CNOT1: variants seen among roughly 807,000 people sequenced by gnomAD.
The protein encoded by CNOT1 is CCR4-associated factor 1.
A neutral mutation model predicts 273.8 loss-of-function variants in CNOT1; 15 were observed. That is an observed-to-expected ratio of 0.05 (90% CI 0.04 to 0.08). The LOEUF (loss-of-function observed/expected upper bound fraction) is 0.08, where lower values mean the gene tolerates loss of function less well. Ranked by LOEUF, CNOT1 falls within the 10% of genes least tolerant of loss-of-function variation. CNOT1 has a pLI of 1.00. For missense variants in CNOT1, 1,644 were observed against 2,912.2 expected, an observed-to-expected ratio of 0.56 and a Z score of 10.02; for synonymous variants, 1,022 against 1,005.5, an observed-to-expected ratio of 1.02 and a Z score of -0.31.
intron 10 of CNOT1, 114 bp from the exon 11 acceptor site, chr16:58,581,629 TTTAA>T: frequency 2.1e-6 from 3 of 1,418,582 alleles, no homozygotes; most frequent in Non-Finnish European, 2.8e-6. Context: ...TTACAAAATT[TTTAA>T]TGTGAATTTT....
chr16:58,528,012 C>A, intron 44 of CNOT1: 2 of 362,506 alleles, frequency 5.5e-6, no homozygotes, highest in Admixed American at 3.6e-5. Context: ...ACTTGGGAGG[C>A]TGAGGCGGGA....
chr16:58,553,634 AC>A, intron 22 of CNOT1, 147 bp downstream of exon 22: 1 of 983,872 alleles, frequency 1.0e-6, no homozygotes, highest in Non-Finnish European at 1.3e-6. Context: ...AAAATGAGCA[AC>A]CTCAACAAAA....
chr16:58,615,023 T>TA (rs2043026310), intron 1 of CNOT1, among the ~76,000 whole-genome samples: 3 of 63,334 alleles, frequency 4.7e-5, no homozygotes, highest in South Asian at 8.1e-4. Flanking sequence ...CCTTTGCTAT[T>TA]TAAAAAAAAA....
rs1232904429 is a variant in CNOT1 at position 58,607,735 on chromosome 16, AAAAG to A, written c.-174-8228_-174-8225del. ...ACAGCAAAACTCAAAAAAAAAAAAA[AAAAG>A]AAAGAAAGAAAGAAAAGGGCTATCT... On this transcript the variant is annotated intron_variant, in intron 1 of 48. Coordinates refer to ENST00000317147, the MANE Select transcript of CNOT1 (RefSeq NM_016284.5). 5.2e-3 allele frequency among the ~76,000 whole-genome samples: 597 copies of A among 115,004 alleles called. 3 individuals are homozygous for A. The highest frequency in any genetic ancestry group is 8.8e-3 in the Middle Eastern group (2 of 228). 75.4% of individuals were successfully genotyped at this position (115,004 alleles called of 152,430 possible).
At chr16:58,628,614 A>AAC (rs1555504125) in intron 1 of CNOT1, among the ~76,000 whole-genome samples, 4 of 151,638 alleles carry the variant, frequency 2.6e-5, no homozygotes, top group South Asian at 4.2e-4. Flanking sequence ...AAAAAAAAAA[A>AAC]CCCAAGTAGT....
chr16:58,597,739 G>A, intron 2 of CNOT1: 1 of 511,146 alleles, frequency 2.0e-6, no homozygotes, highest in Non-Finnish European at 4.0e-6. Flanking sequence ...TGTGATGGTG[G>A]CCCACCAAGT....
chr16:58,626,717 A>C (rs2043600487), intron 1 of CNOT1, among the ~76,000 whole-genome samples: 1 of 151,666 alleles, frequency 6.6e-6, no homozygotes, highest in African/African-American at 2.4e-5. Context: ...CTGAGATCGC[A>C]CCACTGCATT....
At chr16:58,562,128 A>G (rs960594989) in intron 16 of CNOT1, among the ~76,000 whole-genome samples, 27 of 151,164 alleles carry the variant, frequency 1.8e-4, no homozygotes, top group Admixed American at 1.3e-4. Context: ...TGAACCCAGG[A>G]GCCAAGATTG....
chr16:58,606,390 TA>T (rs5817156), intron 1 of CNOT1, among the ~76,000 whole-genome samples: 114,209 of 151,794 alleles, frequency 0.75, 43,382 homozygotes, highest in Middle Eastern at 0.86. Flanking sequence ...CCCCGTCCCT[TA>T]AAAAAACAAA....
rs966911931 is a variant in CNOT1, at chr16:58,534,080, T to TAATA, written c.5895+63_5895+66dup. ...AAAGAAACAATATAAAAAATAATAA[T>TAATA]AATAAATAAATAAATAAAACACCCC... On this transcript the variant is annotated intron_variant, in intron 40 of 48. Transcript: ENST00000317147. 1,180 of 1,280,770 alleles carry TAATA rather than the reference T, an allele frequency of 9.2e-4. 10 individuals are homozygous for TAATA. In the African/African-American group the frequency reaches 0.015, roughly 17 times the overall value. 79.3% of individuals were successfully genotyped at this position (1,280,770 alleles called of 1,614,324 possible).
Position 58,562,528 on chromosome 16 carries a change from A to G in CNOT1, c.1980-2166T>C, listed in dbSNP as rs183682423. ...CTAAAAAAAATAAATTAAAAAAAAA[A>G]GCGGCGGGGGGGCGGCCAGGCACGG... On this transcript the variant is annotated intron_variant, in intron 16 of 48. Transcript: ENST00000317147. Among the ~76,000 whole-genome samples the G allele has an allele frequency of 5.0e-3, 699 of 140,502 alleles. 20 individuals carry two copies. Among genetic ancestry groups the G allele is most frequent in the Admixed American group, 0.043 (607 of 14,258 alleles). The allele number at this position is 140,502 out of a possible 152,430, so 92.2% of individuals were successfully genotyped here.
chr16:58,551,378 A>C (rs1355940636), intron 23 of CNOT1, 106 bp from the exon 24 acceptor site: 8 of 1,277,488 alleles, frequency 6.3e-6, no homozygotes, highest in African/African-American at 1.5e-5. Flanking sequence ...ACATGGTATG[A>C]CTGTGTATTA....
At chr16:58,573,649 T>C (rs1182827885) in intron 16 of CNOT1, among the ~76,000 whole-genome samples, 1 of 151,502 alleles carries the variant, frequency 6.6e-6, no homozygotes, top group African/African-American at 2.4e-5. Context: ...CCTAGCTAAT[T>C]TTTTTGTATT....
At chr16:58,534,437 A>G in intron 39 of CNOT1, 42 bp from the exon 40 acceptor site, 2 of 1,596,680 alleles carry the variant, frequency 1.3e-6, no homozygotes, top group Non-Finnish European at 1.7e-6. Context: ...GAGGTAACAC[A>G]CACAAATAAA....
At position 58,532,326 on chromosome 16, in the gene CNOT1, G is replaced by C. The variant is rs1353191904; in HGVS notation, c.5965C>G (p.Pro1989Ala). 1 of 1,614,042 alleles carries C rather than the reference G, an allele frequency of 6.2e-7. No individual in the cohort carries two copies. Among genetic ancestry groups the C allele is most frequent in the Non-Finnish European group, 8.5e-7 (1 of 1,180,030 alleles). Reference protein sequence around the residue: ...DVRQSEFQQLPYHRIFIMLLL... With the variant: ...DVRQSEFQQLAYHRIFIMLLL... ...AGCATGATAAAAATTCGATGGTAGG[G>C]AAGTTGCTGAAATTCACTCTGACGA... The change falls in exon 41 of 49, where the codon CCC becomes GCC. Residue 1989 changes from proline to alanine, a missense_variant. By Grantham distance (27) the Pro-to-Ala change is conservative. Transcript: ENST00000317147.
At position 58,551,727 on chromosome 16, in the gene CNOT1, C is replaced by T. The variant is rs748740652; in HGVS notation, c.3063G>A (p.Gln1021=). Residue 1021 remains glutamine, a synonymous_variant, in exon 23 of 49, where the codon CAG becomes CAA. Coordinates refer to ENST00000317147, the MANE Select transcript of CNOT1 (RefSeq NM_016284.5). ...CTTTTGCTGGAACCTGGGCCTGAGC[C>T]TGGGCCTGAGCCAGTGCAATACTTC... ...TPGSIALAQA[Q]AQAQVPAKAP... is the part of the protein sequence containing the mutation. 2.5e-6 allele frequency: 4 copies of T among 1,614,194 alleles called. No individual in the cohort carries two copies. In the South Asian group the frequency reaches 3.3e-5, roughly 13 times the overall value.
chr16:58,550,032 C>T, intron 24 of CNOT1, 134 bp from the exon 25 acceptor site: 1 of 1,352,562 alleles, frequency 7.4e-7, no homozygotes. Flanking sequence ...CTTTCCTTCA[C>T]ACCAGATAGA....
intron 44 of CNOT1, among the ~76,000 whole-genome samples, chr16:58,527,457 G>A (rs1033926016): frequency 1.3e-5 from 2 of 152,064 alleles, no homozygotes; most frequent in Non-Finnish European, 2.9e-5. Context: ...ACCCCAGGAG[G>A]CGGAAGTTGC....
chr16:58,626,655 G>A (rs2043597623), intron 1 of CNOT1, among the ~76,000 whole-genome samples: 1 of 151,520 alleles, frequency 6.6e-6, no homozygotes, highest in Non-Finnish European at 1.5e-5. Context: ...AGCTACTTGG[G>A]AGGCTGGGGC....
Sources: gnomAD v4.1 joint callset for allele counts (sites outside exome capture counted in the v4.1 genomes callset) on GRCh38, gnomAD v4.1.1 for gene constraint, MANE v1.5 for transcripts, NCBI Gene and HGNC (gene_info 2026-07-23, HGNC 2026-07-21) for gene names.